LHFPL3: variants seen among roughly 807,000 people sequenced by gnomAD.
LHFPL3 encodes the protein LHFPL tetraspan subfamily member 3, also known as LHFPL tetraspan subfamily member 3 protein.
A neutral mutation model predicts 19.3 loss-of-function variants in LHFPL3; 5 were observed. The ratio of observed to expected loss-of-function variants is 0.26; its 90% CI spans 0.14 to 0.54. The LOEUF (loss-of-function observed/expected upper bound fraction) is 0.54. Among genes scored for constraint, LHFPL3 ranks in the 20% least tolerant of loss-of-function variants. The pLI, the probability that LHFPL3 is intolerant of heterozygous loss-of-function variation, is 0.94. For missense variants in LHFPL3, 249 were observed against 307.4 expected, an observed-to-expected ratio of 0.81 and a Z score of 1.42; for synonymous variants, 133 against 126.2, an observed-to-expected ratio of 1.05 and a Z score of -0.36.
At chr7:104,463,184 ACT>A (rs1792710295) in intron 1 of LHFPL3, among the ~76,000 whole-genome samples, 1 of 152,074 alleles carries the variant, frequency 6.6e-6, no homozygotes, top group Non-Finnish European at 1.5e-5. Flanking sequence ...CAAAAAACAA[ACT>A]CTGTGATTCA....
intron 1 of LHFPL3, among the ~76,000 whole-genome samples, chr7:104,489,272 C>T (rs575128134): frequency 2.6e-5 from 3 of 117,370 alleles, no homozygotes; most frequent in South Asian, 2.6e-4. Context: ...TTAGTAGAGA[C>T]GGGGTTTCAC....
intron 2 of LHFPL3, among the ~76,000 whole-genome samples, chr7:104,836,690 T>A (rs1443771569): frequency 6.6e-6 from 1 of 152,198 alleles, no homozygotes; most frequent in Non-Finnish European, 1.5e-5. Context: ...ATAAGTTCAC[T>A]ATGCTCTGCT....
At chr7:104,492,220 T>C (rs1186970582) in intron 1 of LHFPL3, among the ~76,000 whole-genome samples, 1 of 152,214 alleles carries the variant, frequency 6.6e-6, no homozygotes. Flanking sequence ...TTGTTATGCA[T>C]GTGATGTTCC....
chr7:104,524,626 G>C (rs558239500), intron 1 of LHFPL3, among the ~76,000 whole-genome samples: 1 of 152,252 alleles, frequency 6.6e-6, no homozygotes, highest in South Asian at 2.1e-4. Flanking sequence ...CTGACTCACA[G>C]TATTGTTCGA....
intron 2 of LHFPL3, among the ~76,000 whole-genome samples, chr7:104,807,459 T>G (rs896734052): frequency 2.0e-5 from 3 of 152,238 alleles, no homozygotes; most frequent in African/African-American, 7.2e-5. Flanking sequence ...TGTGGTACTT[T>G]GTTACAGCAG....
chr7:104,424,540 A>T (rs1004181781), intron 1 of LHFPL3, among the ~76,000 whole-genome samples: 6 of 152,212 alleles, frequency 3.9e-5, no homozygotes, highest in Admixed American at 3.9e-4. Context: ...CCCCCAAACA[A>T]TAAATCCATA....
chr7:104,421,204 A>G (rs929068475), intron 1 of LHFPL3, among the ~76,000 whole-genome samples: 2 of 152,242 alleles, frequency 1.3e-5, no homozygotes, highest in Non-Finnish European at 2.9e-5. Flanking sequence ...TTTATCAAAA[A>G]AGGAAAAATG....
At chr7:104,510,614 A>G (rs548019175) in intron 1 of LHFPL3, among the ~76,000 whole-genome samples, 1 of 152,150 alleles carries the variant, frequency 6.6e-6, no homozygotes, top group Non-Finnish European at 1.5e-5. Flanking sequence ...ATTCTTTGTA[A>G]TCTAGGGCTA....
chr7:104,904,638 G>A (rs1792562163), intron 2 of LHFPL3, among the ~76,000 whole-genome samples: 1 of 152,066 alleles, frequency 6.6e-6, no homozygotes, highest in Non-Finnish European at 1.5e-5. Context: ...GTGACAGAGT[G>A]AGACTCCATC....
At chr7:104,851,389 C>T (rs1791412003) in intron 2 of LHFPL3, among the ~76,000 whole-genome samples, 1 of 152,126 alleles carries the variant, frequency 6.6e-6, no homozygotes, top group Admixed American at 6.5e-5. Flanking sequence ...GCTGTGAGTC[C>T]ATCAGAGAGC....
intron 2 of LHFPL3, among the ~76,000 whole-genome samples, chr7:104,887,211 A>G (rs927664819): frequency 2.0e-5 from 3 of 152,228 alleles, no homozygotes; most frequent in Non-Finnish European, 4.4e-5. Context: ...CCCTTGTAGG[A>G]AATAACTGAA....
intron 2 of LHFPL3, among the ~76,000 whole-genome samples, chr7:104,820,747 C>T (rs1173308209): frequency 3.9e-5 from 6 of 152,218 alleles, no homozygotes; most frequent in Admixed American, 1.3e-4. Flanking sequence ...CCTTAACCAC[C>T]CCCCCAGACC....
chr7:104,905,910 C>A (rs1290546006), intron 2 of LHFPL3, among the ~76,000 whole-genome samples: 1 of 152,218 alleles, frequency 6.6e-6, no homozygotes, highest in African/African-American at 2.4e-5. Context: ...GAACAGTCCA[C>A]ATTTTTCCTT....
intron 1 of LHFPL3, among the ~76,000 whole-genome samples, chr7:104,723,958 C>T (rs1793541407): frequency 6.6e-6 from 1 of 152,100 alleles, no homozygotes; most frequent in Non-Finnish European, 1.5e-5. Flanking sequence ...GCCTTGTATA[C>T]TGTAATGTTT....
At chr7:104,345,979 G>T (rs1790056761) in intron 1 of LHFPL3, among the ~76,000 whole-genome samples, 1 of 149,858 alleles carries the variant, frequency 6.7e-6, no homozygotes, top group Non-Finnish European at 1.5e-5. Context: ...TTCTAATATT[G>T]TCTTACTTTA....
intron 1 of LHFPL3, among the ~76,000 whole-genome samples, chr7:104,588,915 G>GTTTT (rs1790643465): frequency 6.6e-6 from 1 of 151,722 alleles, no homozygotes; most frequent in Admixed American, 6.6e-5. Context: ...TTGGCTCTCT[G>GTTTT]TCTGTTATTG....
intron 1 of LHFPL3, among the ~76,000 whole-genome samples, chr7:104,509,249 A>G (rs1013772430): frequency 3.0e-5 from 4 of 135,406 alleles, no homozygotes; most frequent in Non-Finnish European, 4.8e-5. Flanking sequence ...GACAGTACAA[A>G]AAAGAAAGGA....
intron 2 of LHFPL3, among the ~76,000 whole-genome samples, chr7:104,853,700 T>C (rs1415242887): frequency 6.6e-6 from 1 of 152,236 alleles, no homozygotes; most frequent in Non-Finnish European, 1.5e-5. Context: ...AAAATGTTTG[T>C]ATTTTAGTAC....
At chr7:104,849,423 G>A (rs1791372730) in intron 2 of LHFPL3, among the ~76,000 whole-genome samples, 1 of 152,170 alleles carries the variant, frequency 6.6e-6, no homozygotes, top group African/African-American at 2.4e-5. Context: ...GCTCCCTCAG[G>A]GCCCTGCACA....
Sources: gnomAD v4.1 joint callset for allele counts (sites outside exome capture counted in the v4.1 genomes callset) on GRCh38, gnomAD v4.1.1 for gene constraint, MANE v1.5 for transcripts, NCBI Gene and HGNC (gene_info 2026-07-23, HGNC 2026-07-21) for gene names.